Variants in HSD17B14 observed in about 807,000 individuals in gnomAD.
HSD17B14 encodes hydroxysteroid 17-beta dehydrogenase 14, also known as L-fucose dehydrogenase.
Under a neutral mutation model 32.2 loss-of-function variants are expected in HSD17B14, and 32 were observed. That is an observed-to-expected ratio of 0.99 (90% confidence interval 0.75 to 1.33). The LOEUF (loss-of-function observed/expected upper bound fraction) is 1.33. HSD17B14 is among the 40% of genes most tolerant of loss of function. The pLI is 0.00. For synonymous variants in HSD17B14, 140 were observed against 155.4 expected (o/e 0.90, Z 0.74); for missense variants, 370 against 366.5 (o/e 1.01, Z -0.08).
At position 48,813,029 on chromosome 19, in the gene HSD17B14, A is replaced by G; in HGVS notation, c.*146T>C. 1 of 547,722 alleles carries G rather than the reference A, an allele frequency of 1.8e-6. No individual in the cohort carries two copies. The highest frequency in any genetic ancestry group is 3.3e-6 in the Non-Finnish European group (1 of 303,008). 33.9% of individuals were successfully genotyped at this position (547,722 alleles called of 1,614,324 possible). ...CGATATCCTCCTCCTTCTGGCTGCA[A>G]ATCGTTTTTATGGGAACCTGCAGGG... is the stretch of plus-strand genomic sequence containing the variant. On this transcript the variant is annotated 3_prime_UTR_variant, in exon 9 of 9. Coordinates refer to ENST00000263278, the MANE Select transcript of HSD17B14 (RefSeq NM_016246.3).
intron 5 of HSD17B14, among the ~76,000 whole-genome samples, chr19:48,830,674 A>G (rs569228035): frequency 6.6e-5 from 10 of 151,564 alleles, no homozygotes; most frequent in African/African-American, 2.2e-4. Flanking sequence ...GAGGCGCACC[A>G]CCATGCTCAG....
intron 5 of HSD17B14, among the ~76,000 whole-genome samples, chr19:48,827,562 G>C (rs1460655773): frequency 3.3e-5 from 5 of 151,682 alleles, no homozygotes; most frequent in Admixed American, 3.3e-4. Context: ...TTTTTAGATA[G>C]AGTCTTGCTC....
intron 1 of HSD17B14, 32 bp from the exon 2 acceptor site, chr19:48,835,875 G>A: frequency 1.2e-6 from 2 of 1,610,924 alleles, no homozygotes; most frequent in Non-Finnish European, 1.7e-6. Context: ...GTTACTCTCC[G>A]AGCCTTGGTT....
chr19:48,833,130 G>A (rs2035374072), intron 3 of HSD17B14, among the ~76,000 whole-genome samples: 1 of 151,644 alleles, frequency 6.6e-6, no homozygotes, highest in East Asian at 1.9e-4. Context: ...GCAGGAGGGG[G>A]AAGCTGAACT....
At chr19:48,832,944 A>G (rs1455558379) in intron 3 of HSD17B14, among the ~76,000 whole-genome samples, 3 of 151,670 alleles carry the variant, frequency 2.0e-5, no homozygotes, top group African/African-American at 7.3e-5. Context: ...TAGTAGAGAC[A>G]GGGATTCACT....
rs1599821212 is a variant in HSD17B14 at position 48,813,724 on chromosome 19, C to T, written c.481G>A (p.Val161Ile). Residue 161 changes from valine (V) to isoleucine (I), a missense_variant, in exon 7 of 9, where the codon GTA becomes ATA. By Grantham distance (29) the Val-to-Ile change is conservative. Transcript: ENST00000263278. ...GCCAAAGCTTTGGTCATGGCTGTTA[C>T]TGCCCCCTGCAGGAAATGGAGCGGG... ...AVPYVATKGAVTAMTKALALD... is the reference protein window; with the variant it reads ...AVPYVATKGAITAMTKALALD... 3.1e-6 allele frequency: 5 copies of T among 1,614,102 alleles called. No individual in the cohort carries two copies. The African/African-American group carries it at 5.3e-5, about 17-fold the overall frequency.
chr19:48,826,528 A>ATATATAT (rs2035250713), intron 5 of HSD17B14, among the ~76,000 whole-genome samples: 3 of 23,098 alleles, frequency 1.3e-4, no homozygotes, highest in Non-Finnish European at 2.6e-4. Flanking sequence ...AAAAGAAGAA[A>ATATATAT]ATATATATAT....
chr19:48,823,646 T>A (rs1311948171), intron 5 of HSD17B14, among the ~76,000 whole-genome samples: 1 of 150,866 alleles, frequency 6.6e-6, no homozygotes, highest in African/African-American at 2.4e-5. Context: ...TTTCTTTCTT[T>A]TTTTTTTTGA....
intron 5 of HSD17B14, among the ~76,000 whole-genome samples, chr19:48,830,347 G>A (rs939308263): frequency 5.3e-5 from 8 of 152,056 alleles, no homozygotes; most frequent in African/African-American, 1.9e-4. Flanking sequence ...AACGTCCAGC[G>A]TCTATCACCT....
chr19:48,819,597 T>C (rs1251563019), intron 5 of HSD17B14, among the ~76,000 whole-genome samples: 2 of 152,182 alleles, frequency 1.3e-5, no homozygotes, highest in Non-Finnish European at 2.9e-5. Flanking sequence ...GCCCTCGCCC[T>C]GCCATCTCTT....
chr19:48,814,472 A>G (rs1234402405), intron 6 of HSD17B14, among the ~76,000 whole-genome samples: 1 of 151,120 alleles, frequency 6.6e-6, no homozygotes. Flanking sequence ...CAGTGAGCCA[A>G]GATCACACCA....
intron 3 of HSD17B14, 127 bp downstream of exon 3, chr19:48,834,149 C>T: frequency 1.4e-6 from 1 of 738,268 alleles, no homozygotes; most frequent in Non-Finnish European, 2.3e-6. Context: ...GGGTGGAAAC[C>T]TTTGACGAGT....
chr19:48,819,534 G>A (rs965540988), intron 5 of HSD17B14, among the ~76,000 whole-genome samples: 3 of 152,066 alleles, frequency 2.0e-5, no homozygotes, highest in Non-Finnish European at 4.4e-5. Context: ...GCAACATCCC[G>A]TTCTCTCACT....
chr19:48,822,357 C>CTG (rs1186286701), intron 5 of HSD17B14, among the ~76,000 whole-genome samples: 2 of 92,430 alleles, frequency 2.2e-5, no homozygotes, highest in African/African-American at 4.3e-5. Flanking sequence ...ATGATGGTGG[C>CTG]AATGATGGTG....
chr19:48,832,422 GA>G lies in HSD17B14; in HGVS notation c.277+243del, dbSNP rs1464493848. Among the ~76,000 whole-genome samples, 6 of 152,074 alleles carry G rather than the reference GA, an allele frequency of 3.9e-5. No individual in the cohort carries two copies. The East Asian group carries it at 1.2e-3, about 29-fold the overall frequency. ...GAAGAGAAGAGAAGAAAAAAGAAAAGAAAAGAAGAGAGACATGGCCAAGTGA... is the reference window on the plus strand; with the variant it reads ...GAAGAGAAGAGAAGAAAAAAGAAAAGAAAGAAGAGAGACATGGCCAAGTGA... On this transcript the variant is annotated intron_variant, in intron 4 of 8. Coordinates refer to ENST00000263278, the MANE Select transcript of HSD17B14 (RefSeq NM_016246.3).
intron 5 of HSD17B14, among the ~76,000 whole-genome samples, chr19:48,830,140 T>A (rs1286475427): frequency 6.6e-6 from 1 of 152,124 alleles, no homozygotes; most frequent in Admixed American, 6.6e-5. Flanking sequence ...ACAGACTCCA[T>A]CCTGGCTCCT....
At chr19:48,826,046 T>C (rs1184842095) in intron 5 of HSD17B14, among the ~76,000 whole-genome samples, 3 of 151,726 alleles carry the variant, frequency 2.0e-5, no homozygotes, top group Non-Finnish European at 4.4e-5. Flanking sequence ...GGTCTCGATC[T>C]CCTGACCTCG....
intron 5 of HSD17B14, among the ~76,000 whole-genome samples, chr19:48,828,635 T>G (rs1187916386): frequency 1.3e-5 from 2 of 151,462 alleles, no homozygotes; most frequent in African/African-American, 4.9e-5. Context: ...TACATTTTTA[T>G]AAAGTCCCTC....
intron 5 of HSD17B14, among the ~76,000 whole-genome samples, chr19:48,822,424 G>C (rs2035173569): frequency 1.3e-5 from 2 of 149,112 alleles, no homozygotes; most frequent in Non-Finnish European, 3.0e-5. Flanking sequence ...TGGTGATGAT[G>C]GTGATGGTAA....
Sources: gnomAD v4.1 joint callset for allele counts (sites outside exome capture counted in the v4.1 genomes callset) on GRCh38, gnomAD v4.1.1 for gene constraint, MANE v1.5 for transcripts, NCBI Gene and HGNC (gene_info 2026-07-23, HGNC 2026-07-21) for gene names.